CNTN1: variants seen among roughly 807,000 people sequenced by gnomAD.
CNTN1 encodes contactin 1.
Under a neutral mutation model 126.4 loss-of-function variants are expected in CNTN1, and 38 were observed. The ratio of observed to expected loss-of-function variants is 0.30; its 90% CI spans 0.23 to 0.39. CNTN1 has a LOEUF of 0.39. CNTN1 is among the 10% of genes least tolerant of loss of function. CNTN1 has a pLI of 1.00. For missense variants in CNTN1, 1,009 were observed against 1,248.4 expected, an observed-to-expected ratio of 0.81 and a Z score of 2.89; for synonymous variants, 413 against 422.6, an observed-to-expected ratio of 0.98 and a Z score of 0.28.
At chr12:40,830,243 G>T (rs1015685170) in intron 1 of CNTN1, among the ~76,000 whole-genome samples, 1 of 152,002 alleles carries the variant, frequency 6.6e-6, no homozygotes, top group Non-Finnish European at 1.5e-5. Context: ...TGCTTCCCAC[G>T]GTGGTTATAA....
chr12:40,968,716 G>A (rs1230854051), intron 15 of CNTN1, among the ~76,000 whole-genome samples: 1 of 152,026 alleles, frequency 6.6e-6, no homozygotes, highest in African/African-American at 2.4e-5. Flanking sequence ...CCATTTCATA[G>A]GCAAAGGAAG....
chr12:40,812,419 C>G (rs971968767), intron 1 of CNTN1, among the ~76,000 whole-genome samples: 7 of 151,914 alleles, frequency 4.6e-5, no homozygotes, highest in African/African-American at 1.7e-4. Flanking sequence ...TTTAAGAAAC[C>G]TATAGACAAT....
rs1238139180 is a variant in CNTN1 at position 40,930,003 on chromosome 12, G to A, written c.703+1G>A. On this transcript the variant is annotated splice_donor_variant, in intron 7 of 23. Transcript: ENST00000551295. LOFTEE classifies it high-confidence loss of function. ...ATCCCACTCATTCCAATACCTGAAC[G>A]TAAGTATTTTATTTGTTACACTCTG... The A allele has an allele frequency of 1.9e-6, 3 of 1,600,430 alleles. No homozygotes were observed. Among genetic ancestry groups the A allele is most frequent in the Admixed American group, 1.7e-5 (1 of 59,848 alleles).
intron 15 of CNTN1, chr12:40,979,220 C>A (rs977748235): frequency 6.6e-6 from 1 of 151,920 alleles, no homozygotes; most frequent in Non-Finnish European, 1.5e-5. Context: ...GATATATTTC[C>A]AAATAATAAA....
chr12:40,863,522 T>G (rs1943184112), intron 1 of CNTN1, among the ~76,000 whole-genome samples: 1 of 152,170 alleles, frequency 6.6e-6, no homozygotes, highest in Admixed American at 6.6e-5. Flanking sequence ...AAATAACCTC[T>G]AAGGATTCCC....
intron 1 of CNTN1, among the ~76,000 whole-genome samples, chr12:40,866,487 A>G (rs1000615390): frequency 1.8e-4 from 28 of 152,238 alleles, no homozygotes; most frequent in African/African-American, 6.0e-4. Context: ...GTTTCCTTCT[A>G]TTCCTAGTTT....
At chr12:40,972,278 G>C (rs1293503121) in intron 15 of CNTN1, 3 of 985,138 alleles carry the variant, frequency 3.0e-6, no homozygotes, top group East Asian at 1.1e-4. Flanking sequence ...GGGAGGACTT[G>C]AGTAGAAGTG....
intron 15 of CNTN1, among the ~76,000 whole-genome samples, chr12:40,973,825 G>A (rs756920670): frequency 2.2e-4 from 34 of 152,118 alleles, no homozygotes; most frequent in Middle Eastern, 3.2e-3. Context: ...GATACGTGGG[G>A]TGTAGTCACA....
chr12:40,879,687 G>C (rs185114723), intron 1 of CNTN1, among the ~76,000 whole-genome samples: 4 of 152,098 alleles, frequency 2.6e-5, no homozygotes, highest in Non-Finnish European at 4.4e-5. Flanking sequence ...AATATGCATA[G>C]ATTTGTTCTT....
intron 1 of CNTN1, among the ~76,000 whole-genome samples, chr12:40,825,643 C>A (rs186056378): frequency 1.3e-5 from 2 of 152,058 alleles, no homozygotes; most frequent in Admixed American, 6.6e-5. Flanking sequence ...CTCTTTATTA[C>A]GACCTTGTCT....
rs1479925155 is a variant in CNTN1 at position 40,801,019 on chromosome 12, T to TGG, written c.-76-107338_-76-107337insGG. On this transcript the variant is annotated intron_variant, in intron 1 of 23. Transcript: ENST00000551295. ...AGCAGGTCAAACTAGAGTTTTGTTT[T>TGG]TTTTTTTTTTAAGATAGATTTGACA... Among the ~76,000 whole-genome samples the TGG allele has an allele frequency of 1.4e-4, 21 of 149,386 alleles. No homozygotes were observed. In the East Asian group the frequency reaches 4.0e-3, roughly 28 times the overall value.
chr12:40,988,639 T>C (rs2120462124), intron 16 of CNTN1, among the ~76,000 whole-genome samples: 2 of 152,284 alleles, frequency 1.3e-5, no homozygotes, highest in East Asian at 3.9e-4. Flanking sequence ...TTCTAAGCCT[T>C]AGGGCCTCAA....
intron 20 of CNTN1, among the ~76,000 whole-genome samples, chr12:41,023,337 T>C (rs1369832889): frequency 6.6e-6 from 1 of 152,216 alleles, no homozygotes; most frequent in African/African-American, 2.4e-5. Flanking sequence ...ATCTCTTCCC[T>C]TGTGGTTTTA....
intron 19 of CNTN1, among the ~76,000 whole-genome samples, chr12:41,018,100 A>AATAAT: frequency 6.6e-6 from 1 of 150,864 alleles, no homozygotes; most frequent in Non-Finnish European, 1.5e-5. Context: ...CAAAAAAAAA[A>AATAAT]AATAATAATA....
chr12:40,810,869 A>C (rs1224637742), intron 1 of CNTN1, among the ~76,000 whole-genome samples: 1 of 152,166 alleles, frequency 6.6e-6, no homozygotes, highest in East Asian at 1.9e-4. Flanking sequence ...TAAATAAATA[A>C]ATAAAGTAGC....
At chr12:41,041,755 G>A (rs1349101453) in intron 23 of CNTN1, among the ~76,000 whole-genome samples, 2 of 152,078 alleles carry the variant, frequency 1.3e-5, no homozygotes, top group Non-Finnish European at 2.9e-5. Flanking sequence ...TGGGATCAGT[G>A]GTGATATCCT....
chr12:40,865,396 A>G (rs1229762837), intron 1 of CNTN1, among the ~76,000 whole-genome samples: 2 of 152,006 alleles, frequency 1.3e-5, no homozygotes, highest in African/African-American at 4.8e-5. Flanking sequence ...TGCTTTTTGT[A>G]TCCTATGTAA....
At chr12:40,766,356 T>A (rs1254517377) in intron 1 of CNTN1, among the ~76,000 whole-genome samples, 1 of 133,826 alleles carries the variant, frequency 7.5e-6, no homozygotes, top group Non-Finnish European at 1.6e-5. Flanking sequence ...AACTCCGTCT[T>A]AAAAAAAAAA....
intron 1 of CNTN1, among the ~76,000 whole-genome samples, chr12:40,779,398 C>T (rs1380466584): frequency 6.6e-6 from 1 of 151,762 alleles, no homozygotes; most frequent in Non-Finnish European, 1.5e-5. Context: ...CTACCAAGGA[C>T]ACTTATAATT....
Sources: gnomAD v4.1 joint callset for allele counts (sites outside exome capture counted in the v4.1 genomes callset) on GRCh38, gnomAD v4.1.1 for gene constraint, MANE v1.5 for transcripts, NCBI Gene and HGNC (gene_info 2026-07-23, HGNC 2026-07-21) for gene names.